MAST2: variants seen among roughly 807,000 people sequenced by gnomAD.
MAST2 encodes microtubule associated serine/threonine kinase 2, also known as microtubule-associated serine/threonine-protein kinase 2.
In MAST2, 70 loss-of-function variants were observed where a neutral mutation model predicts 147.4. That is an observed-to-expected ratio of 0.47 (90% CI 0.39 to 0.58). MAST2 has a LOEUF of 0.58. Ranked by LOEUF, MAST2 falls within the 20% of genes least tolerant of loss-of-function variation. The pLI is 0.00. For missense variants in MAST2, 2,080 were observed against 2,302.3 expected, an observed-to-expected ratio of 0.90 and a Z score of 1.98; for synonymous variants, 869 against 896.8, an observed-to-expected ratio of 0.97 and a Z score of 0.55.
At chr1:45,978,697 C>T (rs1355459219) in intron 5 of MAST2, among the ~76,000 whole-genome samples, 2 of 152,056 alleles carry the variant, frequency 1.3e-5, no homozygotes, top group Admixed American at 6.6e-5. Context: ...TGTTTTCTTA[C>T]GTAAAGTACA....
intron 2 of MAST2, among the ~76,000 whole-genome samples, chr1:45,826,539 GA>G (rs1320657876): frequency 2.6e-5 from 4 of 152,040 alleles, no homozygotes; most frequent in Admixed American, 2.6e-4. Context: ...TTTTAGTAGA[GA>G]GGGGGTTTCG....
intron 4 of MAST2, among the ~76,000 whole-genome samples, chr1:45,947,343 C>T (rs1658211915): frequency 6.8e-6 from 1 of 148,048 alleles, no homozygotes; most frequent in Non-Finnish European, 1.5e-5. Context: ...CCAAACACCT[C>T]ATAATGTTTT....
At chr1:45,986,575 A>G (rs1416821463) in intron 5 of MAST2, among the ~76,000 whole-genome samples, 4 of 152,046 alleles carry the variant, frequency 2.6e-5, no homozygotes, top group African/African-American at 9.7e-5. Context: ...AAAATTATCC[A>G]GGTGTGGTGG....
At chr1:45,846,461 A>C (rs1274324651) in intron 3 of MAST2, among the ~76,000 whole-genome samples, 1 of 152,210 alleles carries the variant, frequency 6.6e-6, no homozygotes, top group African/African-American at 2.4e-5. Context: ...AGATTAAACA[A>C]CTTTTGCAGA....
At chr1:45,871,141 A>G (rs1023856692) in intron 3 of MAST2, among the ~76,000 whole-genome samples, 1 of 148,080 alleles carries the variant, frequency 6.8e-6, no homozygotes, top group Middle Eastern at 3.6e-3. Context: ...ATTTATTATG[A>G]TTAATGATAT....
intron 3 of MAST2, among the ~76,000 whole-genome samples, chr1:45,874,494 A>AT (rs1249138711): frequency 6.6e-6 from 1 of 152,238 alleles, no homozygotes; most frequent in Non-Finnish European, 1.5e-5. Context: ...AATAGAGCAT[A>AT]TTCTTCCCCT....
chr1:45,859,582 G>A (rs944353805), intron 3 of MAST2, among the ~76,000 whole-genome samples: 1 of 152,188 alleles, frequency 6.6e-6, no homozygotes, highest in African/African-American at 2.4e-5. Context: ...ATCAAGATGA[G>A]CTGATCAGGG....
chr1:45,915,710 A>C (rs1570696444), intron 4 of MAST2, among the ~76,000 whole-genome samples: 1 of 8,052 alleles, frequency 1.2e-4, no homozygotes, highest in Non-Finnish European at 2.1e-4. Flanking sequence ...ACTCTGTCTC[A>C]AAAAAAAAAA....
chr1:45,938,065 G>T (rs908214753), intron 4 of MAST2, among the ~76,000 whole-genome samples: 1 of 152,002 alleles, frequency 6.6e-6, no homozygotes, highest in Non-Finnish European at 1.5e-5. Context: ...TTTGTTTCTG[G>T]TTTCTTTCAC....
intron 10 of MAST2, among the ~76,000 whole-genome samples, chr1:46,014,946 G>C: frequency 6.6e-6 from 1 of 151,968 alleles, no homozygotes; most frequent in Non-Finnish European, 1.5e-5. Context: ...CTCAGCAAAT[G>C]TAAAAGAACA....
intron 4 of MAST2, among the ~76,000 whole-genome samples, chr1:45,911,864 A>T (rs1408067292): frequency 1.1e-5 from 1 of 93,408 alleles, no homozygotes. Context: ...TATTATTATT[A>T]TTATTATTAT....
rs1372644683 is a variant in MAST2, at chr1:45,883,941, A to G, written c.500+1546A>G. ...CCCCCGCTTTTTTTTGGTTGCTTCT[A>G]TTTGAAAACTGCCTGAGATTTGCCT... On this transcript the variant is annotated intron_variant, in intron 4 of 28. Transcript: ENST00000361297. Among the ~76,000 whole-genome samples, 13 of 84,516 alleles carry G rather than the reference A, an allele frequency of 1.5e-4. No homozygotes were observed. The East Asian group carries it at 4.2e-3, about 28-fold the overall frequency. 55.4% of individuals were successfully genotyped at this position (84,516 alleles called of 152,430 possible).
At chr1:45,967,175 G>A (rs769943533) in intron 5 of MAST2, among the ~76,000 whole-genome samples, 4 of 151,846 alleles carry the variant, frequency 2.6e-5, no homozygotes, top group African/African-American at 9.7e-5. Context: ...CCAGGTTCAA[G>A]CGATTCTCCT....
intron 4 of MAST2, among the ~76,000 whole-genome samples, chr1:45,953,680 T>C (rs1659256154): frequency 2.0e-5 from 3 of 152,154 alleles, no homozygotes; most frequent in Non-Finnish European, 4.4e-5. Context: ...TCCTAGTAGC[T>C]AGAAGTGCCT....
intron 1 of MAST2, among the ~76,000 whole-genome samples, chr1:45,815,184 C>CT (rs36054374): frequency 0.035 from 4,926 of 139,768 alleles, 266 homozygotes; most frequent in African/African-American, 0.12. Flanking sequence ...GTCAGATCTT[C>CT]TTTTTTTTTT....
At chr1:45,816,613 G>A (rs1316326186) in intron 1 of MAST2, among the ~76,000 whole-genome samples, 1 of 152,174 alleles carries the variant, frequency 6.6e-6, no homozygotes, top group African/African-American at 2.4e-5. Context: ...GAAAAATGCA[G>A]TTGATATACT....
At chr1:45,943,233 A>G (rs966693802) in intron 4 of MAST2, among the ~76,000 whole-genome samples, 4 of 152,204 alleles carry the variant, frequency 2.6e-5, no homozygotes, top group East Asian at 3.8e-4. Flanking sequence ...ACAAATTAGC[A>G]GGGGGCTATA....
chr1:45,948,107 A>C (rs1314103672), intron 4 of MAST2, among the ~76,000 whole-genome samples: 1 of 152,214 alleles, frequency 6.6e-6, no homozygotes, highest in East Asian at 1.9e-4. Context: ...CCTATCCGCC[A>C]ACAGCAGCCA....
chr1:45,904,478 AT>A (rs1167352540), intron 4 of MAST2, among the ~76,000 whole-genome samples: 1 of 146,822 alleles, frequency 6.8e-6, no homozygotes, highest in African/African-American at 2.5e-5. Context: ...CCGGCCTTAA[AT>A]TTTTTTTAGG....
Sources: gnomAD v4.1 joint callset for allele counts (sites outside exome capture counted in the v4.1 genomes callset) on GRCh38, gnomAD v4.1.1 for gene constraint, MANE v1.5 for transcripts, NCBI Gene and HGNC (gene_info 2026-07-23, HGNC 2026-07-21) for gene names.